ERICH2: variants seen among roughly 807,000 people sequenced by gnomAD.
ERICH2 encodes glutamate rich 2.
A neutral mutation model predicts 17.4 loss-of-function variants in ERICH2; 17 were observed. That is an observed-to-expected ratio of 0.98 (90% CI 0.67 to 1.47). The LOEUF is 1.47. Among genes scored for constraint, ERICH2 ranks in the 40% most tolerant of loss-of-function variants. ERICH2 has a pLI of 0.00. For synonymous variants in ERICH2, 51 were observed against 61.1 expected, an observed-to-expected ratio of 0.83 and a Z score of 0.77; for missense variants, 186 against 183.2, an observed-to-expected ratio of 1.01 and a Z score of -0.09.
intron 3 of ERICH2, among the ~76,000 whole-genome samples, chr2:170,796,444 T>TTTG (rs1439288451): frequency 1.3e-4 from 17 of 129,270 alleles, no homozygotes; most frequent in Non-Finnish European, 2.1e-4. Context: ...TTTTTTGTTT[T>TTTG]TTTTTTTTTG....
the ERICH2 span, among the ~76,000 whole-genome samples, chr2:170,772,114 G>A: frequency 2.6e-5 from 4 of 152,152 alleles, no homozygotes; most frequent in African/African-American, 9.7e-5. Flanking sequence ...CTCTTTACGT[G>A]TTAAGAGTTT....
At chr2:170,783,112 T>A (rs6433249), upstream of ERICH2, 101,107 of 150,978 alleles carry the variant, frequency 0.67, 34,142 homozygotes, top group East Asian at 0.78. Context: ...AGTTTAAAAA[T>A]TTTTGAAAAT....
At chr2:170,786,479 T>C (rs189118880) in intron 2 of ERICH2, among the ~76,000 whole-genome samples, 1 of 152,276 alleles carries the variant, frequency 6.6e-6, no homozygotes, top group Admixed American at 6.5e-5. Flanking sequence ...TGTGCCTAGG[T>C]GTGGTTTTCC....
At chr2:170,783,053 A>C (rs189353699), upstream of ERICH2, 80 of 152,276 alleles carry the variant, frequency 5.3e-4, no homozygotes, top group African/African-American at 1.9e-3. Flanking sequence ...AACTATGATC[A>C]TGTCCCTGCA....
intron 3 of ERICH2, among the ~76,000 whole-genome samples, chr2:170,795,781 A>G (rs1341200207): frequency 6.6e-6 from 1 of 152,172 alleles, no homozygotes; most frequent in African/African-American, 2.4e-5. Context: ...TGTAAGTCAA[A>G]AGCCTGCAGC....
At chr2:170,777,829 A>G in the ERICH2 span, 4 of 355,644 alleles carry the variant, frequency 1.1e-5, no homozygotes, top group Admixed American at 6.3e-5. Flanking sequence ...AGTCAAAGCA[A>G]TTGTTACTAT....
At chr2:170,794,273 A>G (rs1019033328) in intron 3 of ERICH2, among the ~76,000 whole-genome samples, 12 of 151,318 alleles carry the variant, frequency 7.9e-5, no homozygotes, top group African/African-American at 2.9e-4. Flanking sequence ...TGCCTGGCTA[A>G]TTTTTGTATT....
the ERICH2 span, among the ~76,000 whole-genome samples, chr2:170,775,011 C>T: frequency 1.3e-5 from 2 of 152,126 alleles, no homozygotes. Flanking sequence ...GGGCTGGGAT[C>T]TGTCCATCCT....
At chr2:170,784,665 A>G in exon 2 of ERICH2, 1 of 1,526,336 alleles carries the variant, frequency 6.6e-7, no homozygotes, top group South Asian at 1.3e-5. Flanking sequence ...GCAAAGATGC[A>G]GTCATTGTAA....
the ERICH2 span, chr2:170,777,301 A>T: frequency 2.4e-6 from 1 of 415,252 alleles, no homozygotes; most frequent in Non-Finnish European, 3.3e-6. Flanking sequence ...TGTTTACATA[A>T]AGGCTATTAG....
At chr2:170,778,484 A>G in the ERICH2 span, among the ~76,000 whole-genome samples, 2 of 152,104 alleles carry the variant, frequency 1.3e-5, no homozygotes, top group Admixed American at 1.3e-4. Context: ...CATATTGTCA[A>G]AACGAAAAAT....
chr2:170,784,980 G>A (rs2105695908), intron 2 of ERICH2, 147 bp downstream of exon 7: 2 of 617,132 alleles, frequency 3.2e-6, no homozygotes, highest in African/African-American at 1.9e-5. Context: ...AAGCTGGACG[G>A]GAAGAAGGGA....
At chr2:170,791,342 C>T (rs1156407498) in intron 2 of ERICH2, among the ~76,000 whole-genome samples, 1 of 151,848 alleles carries the variant, frequency 6.6e-6, no homozygotes. Context: ...AAAATTTTAC[C>T]CTCATGATGA....
chr2:170,777,708 T>G, the ERICH2 span: 1 of 1,226,290 alleles, frequency 8.2e-7, no homozygotes, highest in African/African-American at 1.6e-5. Flanking sequence ...ATTGTGCAGC[T>G]GATCTCTCCC....
the ERICH2 span, among the ~76,000 whole-genome samples, chr2:170,773,610 A>G: frequency 6.6e-6 from 1 of 152,186 alleles, no homozygotes. Context: ...TACCCGTTTC[A>G]CCTATAAGAT....
the ERICH2 span, chr2:170,777,682 TAAG>T: frequency 1.6e-6 from 2 of 1,233,696 alleles, no homozygotes; most frequent in Non-Finnish European, 2.0e-6. Flanking sequence ...AATGTCAGAG[TAAG>T]AAGATGTCTT....
At chr2:170,777,161 A>G in the ERICH2 span, 8 of 156,778 alleles carry the variant, frequency 5.1e-5, no homozygotes, top group African/African-American at 1.9e-4. Context: ...TCTGTAGACA[A>G]GACAGATACT....
At chr2:170,779,702 C>A, upstream of ERICH2, 1 of 339,956 alleles carries the variant, frequency 2.9e-6, no homozygotes, top group Non-Finnish European at 4.2e-6. Flanking sequence ...AAAATTGTAT[C>A]TCTAGGACTT....
intron 2 of ERICH2, among the ~76,000 whole-genome samples, chr2:170,791,123 GAAAGA>G (rs1701278625): frequency 6.6e-6 from 1 of 151,796 alleles, no homozygotes; most frequent in Non-Finnish European, 1.5e-5. Context: ...CCACAAATAG[GAAAGA>G]AAATGAAAAT....
Sources: allele counts gnomAD v4.1 joint callset (sites outside exome capture counted in the v4.1 genomes callset), GRCh38; gene constraint gnomAD v4.1.1; transcripts MANE v1.5; gene names NCBI Gene and HGNC (gene_info 2026-07-23, HGNC 2026-07-21).